The following FBXO2 variants were observed in gnomAD, a reference collection of about 807,000 sequenced individuals.
FBXO2 encodes the protein F-box protein 2, also known as F-box only protein 2.
A neutral mutation model predicts 38.6 loss-of-function variants in FBXO2; 32 were observed. The observed-to-expected ratio is 0.83, with a 90% CI of 0.62 to 1.11. FBXO2 has a LOEUF of 1.11. Among genes scored for constraint, FBXO2 ranks in the 50% most tolerant of loss-of-function variants. FBXO2 has a pLI of 0.00. For missense variants in FBXO2, 450 were observed against 418.3 expected, an observed-to-expected ratio of 1.08 and a Z score of -0.66; for synonymous variants, 189 against 182.9, an observed-to-expected ratio of 1.03 and a Z score of -0.27.
At position 11,648,509 on chromosome 1, in the gene FBXO2, G is replaced by C. The variant is rs942693130; in HGVS notation, c.*185C>G. 3.9e-6 allele frequency: 3 copies of C among 767,910 alleles called. No homozygotes were observed. The highest frequency in any genetic ancestry group is 2.9e-5 in the Admixed American group (1 of 34,578). 47.6% of individuals were successfully genotyped at this position (767,910 alleles called of 1,614,324 possible). A position where few individuals can be genotyped will look rare whatever the true frequency, so the allele number is the denominator to read the frequency against. ...TCACGGATCTACATTCTAGAAGCCGGCTACCTAAGCAAACCTATGCCAACA... is the reference window on the plus strand; with the variant it reads ...TCACGGATCTACATTCTAGAAGCCGCCTACCTAAGCAAACCTATGCCAACA... On this transcript the variant is annotated 3_prime_UTR_variant, in exon 6 of 6. Transcript: ENST00000354287. The surrounding 1 kb of genome is among the most constrained non-coding windows in gnomAD (Gnocchi z 4.2).
intron 4 of FBXO2, 23 bp from the exon 5 acceptor site, chr1:11,649,248 G>A: frequency 6.7e-7 from 1 of 1,502,396 alleles, no homozygotes; most frequent in Non-Finnish European, 9.0e-7. Flanking sequence ...AGGGAGCGAG[G>A]TGGGGGGCGG....
rs762236926 is a variant in FBXO2 at position 11,649,092 on chromosome 1, T to A, written c.751A>T (p.Met251Leu). 2 of 1,577,898 alleles carry A rather than the reference T, an allele frequency of 1.3e-6. No homozygotes were observed. The highest frequency in any genetic ancestry group is 2.3e-5 in the East Asian group (1 of 42,782). ...CCTGGGTCCCCCAGGCTCACCTCCA[T>A]CCAGCCCCCGCCGTCACTGTCTTGG... ...VPQDSDGGGW[M>L]EISHTFTDYG... The change falls in exon 5 of 6, where the codon ATG (methionine) becomes TTG (leucine). Residue 251 changes from methionine (M) to leucine (L), a missense_variant. Transcript: ENST00000354287.
chr1:11,649,302 T>C, intron 4 of FBXO2, 77 bp from the exon 5 acceptor site: 3 of 1,257,250 alleles, frequency 2.4e-6, no homozygotes, highest in Non-Finnish European at 3.3e-6. Context: ...GAACACGTCC[T>C]GGGGATGGGG....
At chr1:11,650,341 T>C (rs967398027) in intron 2 of FBXO2, 125 bp downstream of exon 2, 1 of 1,462,554 alleles carries the variant, frequency 6.8e-7, no homozygotes, top group Non-Finnish European at 9.1e-7. Context: ...TAGACAGCCT[T>C]GGGGCTACCC....
Position 11,649,228 on chromosome 1 carries a change from G to A in FBXO2, c.618-3C>T. On this transcript the variant is annotated splice_polypyrimidine_tract_variant and splice_region_variant and intron_variant, in intron 4 of 5. Coordinates refer to ENST00000354287, the MANE Select transcript of FBXO2 (RefSeq NM_012168.6). ...CAGCGTCGCTGCGGCCCGAGTACCT[G>A]CTCAGAGGGAGGGAGCGAGGTGGGG... The A allele has an allele frequency of 7.2e-7, 1 of 1,397,912 alleles. No homozygotes were observed. The highest frequency in any genetic ancestry group is 9.6e-7 in the Non-Finnish European group (1 of 1,039,598). The allele number at this position is 1,397,912 out of a possible 1,614,324, so 86.6% of individuals were successfully genotyped here. A position where few individuals can be genotyped will look rare whatever the true frequency, so the allele number is the denominator to read the frequency against.
At chr1:11,650,351 C>T (rs1441728341) in intron 2 of FBXO2, 115 bp downstream of exon 2, 2 of 1,475,622 alleles carry the variant, frequency 1.4e-6, no homozygotes, top group Admixed American at 2.1e-5. Flanking sequence ...TGGGGCTACC[C>T]AGTGCTGGCA....
At position 11,648,854 on chromosome 1, in the gene FBXO2, G is replaced by A; in HGVS notation, c.757-26C>T. 6.2e-7 allele frequency: 1 copy of A among 1,612,592 alleles called. No homozygotes were observed. Among genetic ancestry groups the A allele is most frequent in the South Asian group, 1.1e-5 (1 of 91,062 alleles). On this transcript the variant is annotated intron_variant, in intron 5 of 5. Transcript: ENST00000354287. The surrounding 1 kb of genome is among the most constrained non-coding windows in gnomAD (Gnocchi z 4.2). The stretch of plus-strand genomic sequence containing the variant: ...CTGGGGGTGGAGGTAACAAGAGTCA[G>A]CCTCGGAGGTCCTGAGGCCTCTCCT...
At chr1:11,649,332 T>C in intron 4 of FBXO2, 107 bp from the exon 5 acceptor site, 2 of 963,774 alleles carry the variant, frequency 2.1e-6, no homozygotes, top group South Asian at 1.6e-5. Context: ...AAAGTCCTCC[T>C]GTGCGCCCAA....
intron 1 of FBXO2, 121 bp downstream of exon 1, chr1:11,654,198 G>C (rs1375024270): frequency 3.5e-6 from 4 of 1,129,382 alleles, no homozygotes; most frequent in Middle Eastern, 2.0e-4. Flanking sequence ...CTTCGCTGGC[G>C]TGAAAGTTTG....
chr1:11,651,001 G>A (rs552012488), intron 1 of FBXO2, among the ~76,000 whole-genome samples, 167 bp from the exon 2 acceptor site: 2 of 152,316 alleles, frequency 1.3e-5, no homozygotes, highest in East Asian at 1.9e-4. Context: ...GGGCCACAAG[G>A]CCACAGACCA....
chr1:11,650,024 C>A lies in FBXO2; in HGVS notation c.442G>T (p.Val148Leu). Residue 148 changes from valine to leucine, a missense_variant, in exon 3 of 6, where the codon GTG becomes TTG. Physicochemically the swap from Val to Leu is conservative, Grantham distance 32. Coordinates refer to ENST00000354287, the MANE Select transcript of FBXO2 (RefSeq NM_012168.6). Reference protein sequence around the residue: ...DVEHGGDGWRVEELPGDSGVE... With the variant: ...DVEHGGDGWRLEELPGDSGVE... The stretch of plus-strand genomic sequence containing the variant: ...CCACTGTCTCCAGGCAGCTCCTCCA[C>A]CCTCCAGCCGTCCCCACCATGCTCC... 6.2e-7 allele frequency: 1 copy of A among 1,614,138 alleles called. No individual in the cohort carries two copies. The highest frequency in any genetic ancestry group is 2.2e-5 in the East Asian group (1 of 44,884).
intron 1 of FBXO2, among the ~76,000 whole-genome samples, chr1:11,652,618 A>T (rs532658828): frequency 3.3e-5 from 5 of 152,310 alleles, no homozygotes; most frequent in East Asian, 3.9e-4. Flanking sequence ...TGCCTGGACG[A>T]GGGAGAGCCA....
chr1:11,650,598 G>T lies in FBXO2; in HGVS notation c.259C>A (p.Leu87Met). 1 of 1,592,342 alleles carries T rather than the reference G, an allele frequency of 6.3e-7. No homozygotes were observed. Reference sequence around the variant, plus strand: ...TCCTGCTGGCACTTGAGCAGCCACAGCGGGGCGCCGTCCACCAGCTCCTTC... The same window carrying T: ...TCCTGCTGGCACTTGAGCAGCCACATCGGGGCGCCGTCCACCAGCTCCTTC... ...RWKELVDGAP[L>M]WLLKCQQEGL... Residue 87 changes from leucine (L) to methionine (M), a missense_variant, in exon 2 of 6, where the codon CTG (leucine) becomes ATG (methionine). Transcript: ENST00000354287.
In FBXO2 at chr1:11,648,962, G is replaced by A. The variant is rs974746454; in HGVS notation, c.756+125C>T. 3.0e-6 allele frequency: 4 copies of A among 1,339,688 alleles called. No homozygotes were observed. Among genetic ancestry groups the A allele is most frequent in the African/African-American group, 2.8e-5 (2 of 70,208 alleles). The allele number at this position is 1,339,688 out of a possible 1,614,324, so 83.0% of individuals were successfully genotyped here. A position where few individuals can be genotyped will look rare whatever the true frequency, so the allele number is the denominator to read the frequency against. ...GTATTCAGAACTCTCTCCACCACCCGGTGACTATCTCAGCCCAGCCCAGCC... is the reference window on the plus strand; with the variant it reads ...GTATTCAGAACTCTCTCCACCACCCAGTGACTATCTCAGCCCAGCCCAGCC... On this transcript the variant is annotated intron_variant, in intron 5 of 5. Transcript: ENST00000354287. The surrounding 1 kb of genome is among the most constrained non-coding windows in gnomAD (Gnocchi z 4.2).
At chr1:11,650,353 G>C in intron 2 of FBXO2, 113 bp downstream of exon 2, 1 of 1,479,228 alleles carries the variant, frequency 6.8e-7, no homozygotes, top group Non-Finnish European at 9.0e-7. Flanking sequence ...GGGCTACCCA[G>C]TGCTGGCACT....
At position 11,648,810 on chromosome 1, in the gene FBXO2, C is replaced by A. The variant is rs1160779402; in HGVS notation, c.775G>T (p.Asp259Tyr). The change falls in exon 6 of 6, where the codon GAC becomes TAC. Residue 259 changes from aspartate (D) to tyrosine (Y), a missense_variant. Transcript: ENST00000354287. The surrounding 1 kb of genome is among the most constrained non-coding windows in gnomAD (Gnocchi z 4.2). ...GWMEISHTFT[D>Y]YGPGVRFVRF... Reference sequence around the variant, plus strand: ...ACGAAGCGGACGCCCGGCCCGTAGTCGGTGAAGGTGTGGGAGATCTGGGGG... The same window carrying A: ...ACGAAGCGGACGCCCGGCCCGTAGTAGGTGAAGGTGTGGGAGATCTGGGGG... The A allele has an allele frequency of 1.1e-5, 17 of 1,613,668 alleles. No homozygotes were observed. Among genetic ancestry groups the A allele is most frequent in the Non-Finnish European group, 1.4e-5 (17 of 1,180,006 alleles).
chr1:11,649,130 T>C lies in FBXO2; in HGVS notation c.713A>G (p.Gln238Arg), dbSNP rs1260037951. 2.5e-6 allele frequency: 4 copies of C among 1,596,694 alleles called. No homozygotes were observed. The highest frequency in any genetic ancestry group is 2.7e-5 in the African/African-American group (2 of 74,370). Residue 238 changes from glutamine to arginine, a missense_variant, in exon 5 of 6, where the codon CAG becomes CGG. Physicochemically the swap from Gln to Arg is conservative, Grantham distance 43. Transcript: ENST00000354287. ...ENVLAEFSSG[Q>R]VAVPQDSDGG... ...GTCACTGTCTTGGGGCACTGCCACC[T>C]GCCCGCTGCTGAACTCAGCCAGCAC... is the stretch of plus-strand genomic sequence containing the variant.
rs1416743588 is a variant in FBXO2, at chr1:11,648,706, C to T, written c.879G>A (p.Trp293Ter). 2 of 1,613,406 alleles carry T rather than the reference C, an allele frequency of 1.2e-6. No individual in the cohort carries two copies. The highest frequency in any genetic ancestry group is 2.2e-5 in the South Asian group (2 of 91,086). ...GAGGCAGGGTCGCTCAGGGTTCTACCCACACGCTGCTGTTGGTCACCCGGG... is the reference window on the plus strand; with the variant it reads ...GAGGCAGGGTCGCTCAGGGTTCTACTCACACGCTGCTGTTGGTCACCCGGG... ...FGARVTNSSV[W>*]VEP The change falls in exon 6 of 6, where the codon TGG becomes TGA. Residue 293 changes from tryptophan to a stop codon, truncating the protein, a stop_gained. Coordinates refer to ENST00000354287, the MANE Select transcript of FBXO2 (RefSeq NM_012168.6). LOFTEE classifies it high-confidence loss of function. The surrounding 1 kb of genome is among the most constrained non-coding windows in gnomAD (Gnocchi z 4.2).
chr1:11,652,451 G>A (rs1351640104), intron 1 of FBXO2, among the ~76,000 whole-genome samples: 14 of 152,268 alleles, frequency 9.2e-5, no homozygotes, highest in East Asian at 3.9e-4. Flanking sequence ...ATACAAACAG[G>A]ACAGACGTCC....
Sources: gnomAD v4.1 joint callset for allele counts (sites outside exome capture counted in the v4.1 genomes callset) on GRCh38, gnomAD v4.1.1 for gene constraint, Gnocchi (gnomAD v3.1) non-coding constraint, MANE v1.5 for transcripts, NCBI Gene and HGNC (gene_info 2026-07-23, HGNC 2026-07-21) for gene names.